PSMA6: variants seen among roughly 807,000 people sequenced by gnomAD.
PSMA6 encodes proteasome subunit alpha type-6.
For synonymous variants in PSMA6, 88 were observed against 97.7 expected (o/e 0.90, Z 0.59); for missense variants, 170 against 294.8 (o/e 0.58, Z 3.10).
chr14:35,287,485 C>T (rs774065977), upstream of PSMA6, among the ~76,000 whole-genome samples: 57 of 152,260 alleles, frequency 3.7e-4, no homozygotes, highest in South Asian at 1.0e-3. Context: ...GGGCTACATT[C>T]TTATCTTGCC....
Position 35,285,208 on chromosome 14 carries a change from T to C in PSMA6, c.19+6490T>C, listed in dbSNP as rs146763175. ...AAAAAACTTAAAAATCAGCCAAGCA[T>C]GGTGGTGCATGCCTGTAGTCCCAGC... On this transcript the variant is annotated intron_variant, in intron 1 of 6. Transcript: ENST00000540871. 2.6e-5 allele frequency among the ~76,000 whole-genome samples: 4 copies of C among 152,136 alleles called. No individual in the cohort carries two copies. In the East Asian group the frequency reaches 7.7e-4, roughly 29 times the overall value.
At chr14:35,296,106 T>A (rs929003691) in intron 1 of PSMA6, among the ~76,000 whole-genome samples, 4 of 152,156 alleles carry the variant, frequency 2.6e-5, no homozygotes, top group Admixed American at 1.3e-4. Flanking sequence ...GGTGGAGACA[T>A]ACTGAAAATA....
chr14:35,283,058 T>C (rs1268402624), intron 1 of PSMA6, among the ~76,000 whole-genome samples: 5 of 151,974 alleles, frequency 3.3e-5, no homozygotes, highest in Non-Finnish European at 7.4e-5. Flanking sequence ...TTGGCCAGGC[T>C]GGTGTCAAAC....
chr14:35,292,715 C>G (rs1310885053), intron 1 of PSMA6, 163 bp downstream of exon 1: 4 of 1,310,708 alleles, frequency 3.1e-6, no homozygotes, highest in Admixed American at 5.7e-5. Flanking sequence ...GTTTGCACCC[C>G]CGTCTGGACG....
At chr14:35,292,805 T>C (rs2051511420) in intron 1 of PSMA6, 3 of 619,784 alleles carry the variant, frequency 4.8e-6, no homozygotes, top group South Asian at 1.9e-5. Context: ...TTAAGGAAGA[T>C]AGGGCTGTAA....
chr14:35,287,957 T>C (rs1048812959), upstream of PSMA6, among the ~76,000 whole-genome samples: 1 of 152,232 alleles, frequency 6.6e-6, no homozygotes, highest in Admixed American at 6.5e-5. Flanking sequence ...ACGTTTTGTC[T>C]TTCTGAAAGA....
upstream of PSMA6, among the ~76,000 whole-genome samples, chr14:35,291,791 C>A (rs112882828): frequency 1.4e-5 from 2 of 146,994 alleles, no homozygotes; most frequent in Non-Finnish European, 3.0e-5. Context: ...CCATTGCACT[C>A]CAGCCTGGGC....
At chr14:35,296,422 C>T (rs2051588814) in intron 1 of PSMA6, among the ~76,000 whole-genome samples, 1 of 152,110 alleles carries the variant, frequency 6.6e-6, no homozygotes, top group Non-Finnish European at 1.5e-5. Context: ...CCTCTGCCTT[C>T]TGGGTTCAAG....
At chr14:35,283,144 G>A (rs1466770645) in intron 1 of PSMA6, among the ~76,000 whole-genome samples, 1 of 151,808 alleles carries the variant, frequency 6.6e-6, no homozygotes, top group Non-Finnish European at 1.5e-5. Context: ...GTGCCCCACC[G>A]ATACTTTGTA....
At chr14:35,315,788 G>T (rs960164763) in intron 6 of PSMA6, 1 of 151,034 alleles carries the variant, frequency 6.6e-6, no homozygotes, top group African/African-American at 2.4e-5. Context: ...TTTCTTTTCT[G>T]TTTGGAGACC....
At chr14:35,298,096 G>A (rs1247949188) in intron 1 of PSMA6, among the ~76,000 whole-genome samples, 1 of 152,098 alleles carries the variant, frequency 6.6e-6, no homozygotes, top group African/African-American at 2.4e-5. Flanking sequence ...AGTTTCGTGT[G>A]GTTCAATCTA....
chr14:35,292,463 G>T lies in PSMA6; in HGVS notation c.-14G>T, dbSNP rs372791678. ...GGGCCCAGGGATTGTGTTTAAAGTAGTGCTTCTACCAACATGTCCCGTGGT... is the reference window on the plus strand; with the variant it reads ...GGGCCCAGGGATTGTGTTTAAAGTATTGCTTCTACCAACATGTCCCGTGGT... On this transcript the variant is annotated 5_prime_UTR_variant, in exon 1 of 7. Coordinates refer to ENST00000261479, the MANE Select transcript of PSMA6 (RefSeq NM_002791.3). The T allele has an allele frequency of 6.2e-7, 1 of 1,612,446 alleles. No individual in the cohort carries two copies. The highest frequency in any genetic ancestry group is 1.3e-5 in the African/African-American group (1 of 74,988).
At chr14:35,291,635 C>T (rs1048001680), upstream of PSMA6, among the ~76,000 whole-genome samples, 5 of 151,818 alleles carry the variant, frequency 3.3e-5, no homozygotes, top group East Asian at 7.8e-4. Context: ...AGCTGCCTGA[C>T]CAACATGGCG....
At chr14:35,314,122 C>T in intron 5 of PSMA6, 1 of 246,856 alleles carries the variant, frequency 4.1e-6, no homozygotes, top group East Asian at 8.8e-5. Context: ...GCCAATAAAC[C>T]TTTTTGTATA....
intron 1 of PSMA6, among the ~76,000 whole-genome samples, chr14:35,306,919 G>A (rs2051838205): frequency 6.6e-6 from 1 of 152,110 alleles, no homozygotes; most frequent in South Asian, 2.1e-4. Context: ...GGCCGAGGTG[G>A]GTGGATCACC....
At chr14:35,298,497 GAAAAA>G (rs935977049) in intron 1 of PSMA6, among the ~76,000 whole-genome samples, 1 of 141,808 alleles carries the variant, frequency 7.1e-6, no homozygotes, top group Admixed American at 7.0e-5. Context: ...CTCAAAAAAA[GAAAAA>G]AAAAAGGAAA....
intron 3 of PSMA6, 148 bp downstream of exon 3, chr14:35,309,143 A>G (rs1164785881): frequency 1.6e-6 from 1 of 606,508 alleles, no homozygotes; most frequent in East Asian, 2.8e-5. Context: ...TAAGACTAGT[A>G]TCAATATTTT....
At chr14:35,283,357 T>C (rs1322596619) in intron 1 of PSMA6, among the ~76,000 whole-genome samples, 2 of 138,140 alleles carry the variant, frequency 1.4e-5, no homozygotes, top group Admixed American at 1.5e-4. Flanking sequence ...GGAGACCCTA[T>C]CTCTACAAAA....
chr14:35,303,245 C>A (rs2051752086), intron 1 of PSMA6, among the ~76,000 whole-genome samples: 1 of 152,194 alleles, frequency 6.6e-6, no homozygotes, highest in Non-Finnish European at 1.5e-5. Context: ...TGGGTGGCAT[C>A]TTAAATCTCA....
Sources: allele counts gnomAD v4.1 joint callset (sites outside exome capture counted in the v4.1 genomes callset), GRCh38; gene constraint gnomAD v4.1.1; transcripts MANE v1.5; gene names NCBI Gene and HGNC (gene_info 2026-07-23, HGNC 2026-07-21).